ACSS3: variants seen among roughly 807,000 people sequenced by gnomAD.
ACSS3 encodes acyl-CoA synthetase short chain family member 3, also known as acyl-CoA synthetase short-chain family member 3, mitochondrial.
ACSS3 carries 64 observed loss-of-function variants against 84.2 expected under a neutral mutation model. The ratio of observed to expected loss-of-function variants is 0.76; its 90% CI spans 0.62 to 0.94. The LOEUF (loss-of-function observed/expected upper bound fraction) is 0.94. Among genes scored for constraint, ACSS3 ranks in the 40% least tolerant of loss-of-function variants. ACSS3 has a pLI of 0.00. For synonymous variants in ACSS3, 317 were observed against 310.1 expected, an observed-to-expected ratio of 1.02 and a Z score of -0.23; for missense variants, 815 against 867.6, an observed-to-expected ratio of 0.94 and a Z score of 0.76.
At chr12:81,144,244 A>G (rs1226817069) in intron 5 of ACSS3, among the ~76,000 whole-genome samples, 1 of 152,170 alleles carries the variant, frequency 6.6e-6, no homozygotes, top group Admixed American at 6.5e-5. Flanking sequence ...CTCTCTGAGG[A>G]CACAGGTTAT....
intron 1 of ACSS3, among the ~76,000 whole-genome samples, chr12:81,082,580 C>T (rs909144921): frequency 6.6e-6 from 1 of 151,980 alleles, no homozygotes; most frequent in African/African-American, 2.4e-5. Flanking sequence ...AAGGTTTACT[C>T]GGTTGGGACT....
rs549822717 is a variant in ACSS3 at position 81,105,476 on chromosome 12, T to G, written c.312-4084T>G. ...TGAGTGAATATGATGTTGCCAACTA[T>G]AACACCAGTTTAGACATCTAGACTT... is the stretch of plus-strand genomic sequence containing the variant. On this transcript the variant is annotated intron_variant, in intron 1 of 15. Coordinates refer to ENST00000548058, the MANE Select transcript of ACSS3 (RefSeq NM_024560.4). Among the ~76,000 whole-genome samples, 13 of 152,324 alleles carry G rather than the reference T, an allele frequency of 8.5e-5. No individual in the cohort carries two copies. The East Asian group carries it at 2.3e-3, about 27-fold the overall frequency.
intron 5 of ACSS3, among the ~76,000 whole-genome samples, chr12:81,151,273 T>G (rs1299186377): frequency 6.6e-6 from 1 of 152,186 alleles, no homozygotes; most frequent in Non-Finnish European, 1.5e-5. Context: ...TTCAACTCAC[T>G]GGAATTCAGC....
intron 5 of ACSS3, among the ~76,000 whole-genome samples, chr12:81,144,536 A>C (rs1886234479): frequency 6.6e-6 from 1 of 152,194 alleles, no homozygotes; most frequent in Admixed American, 6.5e-5. Context: ...AGTCCAACTG[A>C]ACATTTGGCT....
At chr12:81,197,059 T>A (rs1388897369) in intron 8 of ACSS3, among the ~76,000 whole-genome samples, 3 of 152,188 alleles carry the variant, frequency 2.0e-5, no homozygotes, top group East Asian at 1.9e-4. Flanking sequence ...GATTTTTTTT[T>A]AATTTTCTCA....
intron 7 of ACSS3, among the ~76,000 whole-genome samples, chr12:81,174,243 G>C (rs189388646): frequency 6.6e-6 from 1 of 152,126 alleles, no homozygotes. Context: ...GTTATTTTGA[G>C]TCTGTGGAAA....
At chr12:81,091,987 T>C (rs1344769324) in intron 1 of ACSS3, among the ~76,000 whole-genome samples, 1 of 151,998 alleles carries the variant, frequency 6.6e-6, no homozygotes, top group Non-Finnish European at 1.5e-5. Context: ...TGCTTGAGAG[T>C]GTATCAGTTT....
intron 13 of ACSS3, among the ~76,000 whole-genome samples, chr12:81,245,052 A>G (rs1364320324): frequency 6.6e-6 from 1 of 152,156 alleles, no homozygotes; most frequent in Non-Finnish European, 1.5e-5. Flanking sequence ...GTGTATTGGT[A>G]AGATGCAGGG....
chr12:81,089,935 T>C (rs1881565368), intron 1 of ACSS3, among the ~76,000 whole-genome samples: 1 of 152,060 alleles, frequency 6.6e-6, no homozygotes, highest in African/African-American at 2.4e-5. Context: ...ACTTAGTTTT[T>C]TCAACCCAGT....
intron 2 of ACSS3, among the ~76,000 whole-genome samples, chr12:81,119,382 T>C (rs928901173): frequency 5.3e-5 from 8 of 152,094 alleles, no homozygotes; most frequent in Non-Finnish European, 8.8e-5. Flanking sequence ...ATAAACATCT[T>C]AAATAACAGA....
At chr12:81,122,271 G>A (rs1477306233) in intron 2 of ACSS3, among the ~76,000 whole-genome samples, 1 of 151,588 alleles carries the variant, frequency 6.6e-6, no homozygotes, top group African/African-American at 2.4e-5. Flanking sequence ...AAAACACAAC[G>A]TTAAAAAATT....
At chr12:81,080,754 T>C (rs1880919699) in intron 1 of ACSS3, among the ~76,000 whole-genome samples, 1 of 152,226 alleles carries the variant, frequency 6.6e-6, no homozygotes, top group Non-Finnish European at 1.5e-5. Context: ...TTTGTTTGGC[T>C]TTATATCCGC....
intron 9 of ACSS3, 69 bp from the exon 10 acceptor site, chr12:81,216,832 G>A (rs776965612): frequency 3.8e-6 from 5 of 1,299,194 alleles, no homozygotes; most frequent in Non-Finnish European, 5.5e-6. Flanking sequence ...GGTAGAGTGT[G>A]CATGTACTCA....
chr12:81,107,479 G>T (rs1883112538), intron 1 of ACSS3, among the ~76,000 whole-genome samples: 2 of 87,948 alleles, frequency 2.3e-5, no homozygotes, highest in African/African-American at 7.4e-5. Context: ...TTCCCTGCCA[G>T]AAATGTTTTT....
At chr12:81,239,889 A>C (rs1340727279) in intron 13 of ACSS3, among the ~76,000 whole-genome samples, 1 of 152,054 alleles carries the variant, frequency 6.6e-6, no homozygotes, top group Admixed American at 6.6e-5. Flanking sequence ...ATATATGCAC[A>C]TACATATATA....
At position 81,258,289 on chromosome 12, in the gene ACSS3, A is replaced by G. The variant is rs1431801793; in HGVS notation, c.*3367A>G. 3 of 152,138 alleles carry G rather than the reference A, an allele frequency of 2.0e-5. No homozygotes were observed. The highest frequency in any genetic ancestry group is 7.2e-5 in the African/African-American group (3 of 41,454). 9.4% of individuals were successfully genotyped at this position (152,138 alleles called of 1,614,324 possible). On this transcript the variant is annotated 3_prime_UTR_variant, in exon 16 of 16. Transcript: ENST00000548058. ...ACTGGAATTATTATTTTTTTTATTG[A>G]CAATGGAAAGGGTTTCTGTTATCAT...
chr12:81,182,924 A>G (rs1260425656), intron 8 of ACSS3, among the ~76,000 whole-genome samples: 1 of 152,092 alleles, frequency 6.6e-6, no homozygotes, highest in Admixed American at 6.6e-5. Flanking sequence ...CTGGTCATGT[A>G]TTTTCTTAGA....
intron 2 of ACSS3, among the ~76,000 whole-genome samples, chr12:81,131,988 T>C (rs1050290203): frequency 7.2e-5 from 11 of 152,198 alleles, no homozygotes; most frequent in Non-Finnish European, 1.6e-4. Flanking sequence ...AACTTGATCA[T>C]GGTGGATTAG....
intron 8 of ACSS3, among the ~76,000 whole-genome samples, chr12:81,179,051 C>A (rs1565706967): frequency 6.6e-6 from 1 of 151,920 alleles, no homozygotes; most frequent in African/African-American, 2.4e-5. Flanking sequence ...TGAGAAAGGA[C>A]TCCATTCAAT....
Sources: allele counts gnomAD v4.1 joint callset (sites outside exome capture counted in the v4.1 genomes callset), GRCh38; gene constraint gnomAD v4.1.1; transcripts MANE v1.5; gene names NCBI Gene and HGNC (gene_info 2026-07-23, HGNC 2026-07-21).